KIAA1217: variants seen among roughly 807,000 people sequenced by gnomAD.
KIAA1217 encodes KIAA1217.
KIAA1217 carries 88 observed loss-of-function variants against 163.9 expected under a neutral mutation model. The ratio of observed to expected loss-of-function variants is 0.54; its 90% confidence interval spans 0.45 to 0.64. The LOEUF is 0.64. Among genes scored for constraint, KIAA1217 ranks in the 30% least tolerant of loss-of-function variants. KIAA1217 has a pLI of 0.00. For synonymous variants in KIAA1217, 903 were observed against 923.1 expected, an observed-to-expected ratio of 0.98 and a Z score of 0.39; for missense variants, 2,372 against 2,475.0, an observed-to-expected ratio of 0.96 and a Z score of 0.88.
chr10:24,149,891 T>G (rs2131855251), intron 2 of KIAA1217, among the ~76,000 whole-genome samples: 1 of 152,266 alleles, frequency 6.6e-6, no homozygotes, highest in Middle Eastern at 3.4e-3. Context: ...TATAGCAAGT[T>G]TTTTTAAAAA....
chr10:23,872,445 G>A (rs1161579964), intron 1 of KIAA1217, among the ~76,000 whole-genome samples: 1 of 152,078 alleles, frequency 6.6e-6, no homozygotes, highest in Non-Finnish European at 1.5e-5. Flanking sequence ...CATGCTGTTT[G>A]CATCTTGAGG....
intron 3 of KIAA1217, among the ~76,000 whole-genome samples, chr10:24,415,628 T>A (rs1564639485): frequency 6.6e-6 from 1 of 151,940 alleles, no homozygotes; most frequent in Non-Finnish European, 1.5e-5. Context: ...GGCCAACAGA[T>A]CGGTCTCAAC....
intron 1 of KIAA1217, among the ~76,000 whole-genome samples, chr10:23,898,707 A>G (rs1397832193): frequency 2.6e-5 from 4 of 152,050 alleles, no homozygotes; most frequent in South Asian, 4.1e-4. Context: ...TTTTTACTGT[A>G]CAAAACTGAA....
At position 24,543,659 on chromosome 10, in the gene KIAA1217, C is replaced by T; in HGVS notation, c.4389C>T (p.Ile1463=). The T allele has an allele frequency of 6.2e-7, 1 of 1,613,918 alleles. No individual in the cohort carries two copies. Among genetic ancestry groups the T allele is most frequent in the Non-Finnish European group, 8.5e-7 (1 of 1,179,940 alleles). The change falls in exon 19 of 21, where the codon ATC becomes ATT. Residue 1463 remains isoleucine (I), a synonymous_variant. Coordinates refer to ENST00000376454, the MANE Select transcript of KIAA1217 (RefSeq NM_019590.5). ...CTGCCTATAAGAGACTTTCAACTAT[C>T]TTTGAGGAATGTGATGAGGAATTAG... ...IRSAYKRLST[I]FEECDEELER... is the part of the protein sequence containing the mutation.
intron 2 of KIAA1217, among the ~76,000 whole-genome samples, chr10:24,168,538 C>A (rs914316817): frequency 1.3e-5 from 2 of 152,126 alleles, no homozygotes; most frequent in Non-Finnish European, 2.9e-5. Context: ...ACATGGGACA[C>A]CTACATTTTT....
intron 2 of KIAA1217, among the ~76,000 whole-genome samples, chr10:24,008,174 A>G (rs1847082548): frequency 1.3e-5 from 2 of 150,268 alleles, no homozygotes; most frequent in Admixed American, 6.6e-5. Context: ...AGATAGATAG[A>G]TAGATAGATA....
intron 1 of KIAA1217, among the ~76,000 whole-genome samples, chr10:23,762,177 T>A (rs1162115422): frequency 6.6e-6 from 1 of 152,138 alleles, no homozygotes; most frequent in Non-Finnish European, 1.5e-5. Flanking sequence ...CATAGCTGAA[T>A]TCTACCAGAA....
At chr10:24,344,931 C>T (rs1403565586) in intron 2 of KIAA1217, among the ~76,000 whole-genome samples, 13 of 152,112 alleles carry the variant, frequency 8.5e-5, no homozygotes, top group Non-Finnish European at 1.9e-4. Flanking sequence ...CTCAGAGAAT[C>T]CAATATCAAC....
intron 2 of KIAA1217, among the ~76,000 whole-genome samples, chr10:24,178,921 A>G (rs1270301397): frequency 1.3e-5 from 2 of 152,172 alleles, no homozygotes; most frequent in Non-Finnish European, 2.9e-5. Context: ...ATTTATTTAA[A>G]TCATAAGTCA....
intron 2 of KIAA1217, among the ~76,000 whole-genome samples, chr10:24,307,848 G>C (rs1441842518): frequency 1.3e-5 from 2 of 152,122 alleles, no homozygotes; most frequent in African/African-American, 4.8e-5. Context: ...GCTAGAGCAG[G>C]CATGCCATTC....
intron 1 of KIAA1217, among the ~76,000 whole-genome samples, chr10:23,838,050 C>T (rs1283217058): frequency 6.6e-6 from 1 of 152,146 alleles, no homozygotes; most frequent in African/African-American, 2.4e-5. Context: ...AAACCTAAGA[C>T]CTGGATAAAT....
chr10:23,881,212 C>A (rs754364505), intron 1 of KIAA1217, among the ~76,000 whole-genome samples: 3 of 151,708 alleles, frequency 2.0e-5, no homozygotes, highest in Non-Finnish European at 4.4e-5. Flanking sequence ...TACTTTGAAC[C>A]TGATTAAGTT....
At chr10:23,889,394 C>G (rs866158514) in intron 1 of KIAA1217, among the ~76,000 whole-genome samples, 1 of 151,856 alleles carries the variant, frequency 6.6e-6, no homozygotes, top group South Asian at 2.1e-4. Context: ...CCTGATCAGT[C>G]ATGATGCTGA....
intron 2 of KIAA1217, among the ~76,000 whole-genome samples, chr10:24,364,018 G>A (rs543972136): frequency 9.5e-5 from 14 of 147,010 alleles, no homozygotes; most frequent in South Asian, 2.2e-4. Context: ...TGCTCTTGTC[G>A]CCCAGGCTAG....
chr10:23,901,692 T>C (rs1370492346), intron 1 of KIAA1217, among the ~76,000 whole-genome samples: 1 of 151,966 alleles, frequency 6.6e-6, no homozygotes, highest in African/African-American at 2.4e-5. Context: ...GTGGATCACT[T>C]GAGGTAAAGG....
At chr10:24,189,841 C>T (rs937497852) in intron 2 of KIAA1217, among the ~76,000 whole-genome samples, 3 of 151,894 alleles carry the variant, frequency 2.0e-5, no homozygotes, top group Non-Finnish European at 4.4e-5. Flanking sequence ...CCTAGTGAGA[C>T]CGCATCTCTA....
chr10:24,506,546 A>G (rs748381186), intron 9 of KIAA1217, among the ~76,000 whole-genome samples: 4 of 152,240 alleles, frequency 2.6e-5, no homozygotes, highest in Non-Finnish European at 5.9e-5. Flanking sequence ...CATTTTCAAT[A>G]AATTATCTTT....
chr10:23,974,888 C>G (rs1312452821), intron 1 of KIAA1217, among the ~76,000 whole-genome samples: 1 of 151,796 alleles, frequency 6.6e-6, no homozygotes, highest in Non-Finnish European at 1.5e-5. Context: ...ATCCTTCCCC[C>G]CCCCATAGAT....
At chr10:24,483,430 G>T (rs116865485) in intron 6 of KIAA1217, among the ~76,000 whole-genome samples, 1 of 152,064 alleles carries the variant, frequency 6.6e-6, no homozygotes, top group African/African-American at 2.4e-5. Flanking sequence ...CTTTCATGTC[G>T]AGCCTCAGCT....
Sources: gnomAD v4.1 joint callset for allele counts (sites outside exome capture counted in the v4.1 genomes callset) on GRCh38, gnomAD v4.1.1 for gene constraint, MANE v1.5 for transcripts, NCBI Gene and HGNC (gene_info 2026-07-23, HGNC 2026-07-21) for gene names.